Variants in RNF19A observed in about 807,000 individuals in gnomAD.
RNF19A encodes ring finger protein 19A, RBR E3 ubiquitin protein ligase.
RNF19A carries 32 observed loss-of-function variants against 75.7 expected under a neutral mutation model. That is an observed-to-expected ratio of 0.42 (90% CI 0.32 to 0.57). The LOEUF (loss-of-function observed/expected upper bound fraction) is 0.57, where lower values mean the gene tolerates loss of function less well. Ranked by LOEUF, RNF19A falls within the 20% of genes least tolerant of loss-of-function variation. The pLI is 0.10. For missense variants in RNF19A, 782 were observed against 1,036.3 expected, an observed-to-expected ratio of 0.75 and a Z score of 3.37; for synonymous variants, 335 against 345.2, an observed-to-expected ratio of 0.97 and a Z score of 0.33.
chr8:100,313,978 C>A (rs1822338283), upstream of RNF19A, among the ~76,000 whole-genome samples: 1 of 149,790 alleles, frequency 6.7e-6, no homozygotes, highest in African/African-American at 2.5e-5. Context: ...ACCTCCTGGG[C>A]TTAAACAATC....
In RNF19A at chr8:100,330,170, A is replaced by C. The variant is rs765738038; in HGVS notation, c.-243+5938T>G. ...ACTTCTTCCAGAGTTTGCTCCCACA[A>C]TCTCCCCAACCTTCTCTAGCATCTT... On this transcript the variant is annotated intron_variant, in intron 1 of 3. Coordinates refer to the RNF19A transcript ENST00000519527. The surrounding 1 kb of genome is among the most constrained non-coding windows in gnomAD (Gnocchi z 4.1). Among the ~76,000 whole-genome samples, 2 of 152,154 alleles carry C rather than the reference A, an allele frequency of 1.3e-5. No individual in the cohort carries two copies. The highest frequency in any genetic ancestry group is 2.9e-5 in the Non-Finnish European group (2 of 68,026).
intron 1 of RNF19A, among the ~76,000 whole-genome samples, chr8:100,326,106 A>G (rs933421147): frequency 2.0e-5 from 3 of 152,128 alleles, no homozygotes; most frequent in African/African-American, 7.2e-5. Flanking sequence ...TGCCGTTTTC[A>G]GTCTGTCTCC....
intron 2 of RNF19A, among the ~76,000 whole-genome samples, chr8:100,283,815 A>G (rs1820893008): frequency 6.6e-6 from 1 of 152,226 alleles, no homozygotes; most frequent in African/African-American, 2.4e-5. Flanking sequence ...TTATATAATA[A>G]AAGGGTTAAA....
chr8:100,304,390 C>T (rs1038117248), intron 1 of RNF19A, among the ~76,000 whole-genome samples: 6 of 152,204 alleles, frequency 3.9e-5, no homozygotes, highest in African/African-American at 1.4e-4. Context: ...AAAAGAATTA[C>T]AGTCATTGTA....
chr8:100,287,764 C>T lies in RNF19A; in HGVS notation c.411G>A (p.Leu137=). The part of the protein sequence containing the change: ...GDFIECPLCL[L]RHSKDRFPDI... ...CAGGAAATCTGTCTTTAGAATGCCG[C>T]AAAAGGCACAAAGGGCACTCTATGA... Residue 137 remains leucine, a synonymous_variant, in exon 2 of 10, where the codon TTG becomes TTA. Coordinates refer to ENST00000341084, the MANE Select transcript of RNF19A (RefSeq NM_183419.4). The surrounding 1 kb of genome is among the most constrained non-coding windows in gnomAD (Gnocchi z 4.1). 6.2e-7 allele frequency: 1 copy of T among 1,614,084 alleles called. No individual in the cohort carries two copies. Among genetic ancestry groups the T allele is most frequent in the Non-Finnish European group, 8.5e-7 (1 of 1,180,020 alleles).
At chr8:100,279,150 A>T (rs1044612652) in intron 2 of RNF19A, among the ~76,000 whole-genome samples, 10 of 152,298 alleles carry the variant, frequency 6.6e-5, no homozygotes, top group African/African-American at 2.4e-4. Context: ...TACCAAATAT[A>T]ATGTTCCTCC....
At position 100,268,857 on chromosome 8, in the gene RNF19A, G is replaced by A. The variant is rs762112376; in HGVS notation, c.1119C>T (p.Val373=). 2.7e-5 allele frequency: 43 copies of A among 1,603,058 alleles called. No individual in the cohort carries two copies. Among genetic ancestry groups the A allele is most frequent in the African/African-American group, 1.5e-4 (11 of 74,432 alleles). ...WQLGTLVGAP[V]GIALIAGIAI... is the part of the protein sequence containing the mutation. ...CAATGCCAGCTATTAAAGCGATTCCGACAGGAGCACCAACCAGTGTTCCCA... is the reference window on the plus strand; with the variant it reads ...CAATGCCAGCTATTAAAGCGATTCCAACAGGAGCACCAACCAGTGTTCCCA... Residue 373 remains valine (V), a synonymous_variant, in exon 5 of 10, where the codon GTC becomes GTT. Transcript: ENST00000341084.
At chr8:100,304,349 C>A (rs982198151) in intron 1 of RNF19A, among the ~76,000 whole-genome samples, 3 of 152,150 alleles carry the variant, frequency 2.0e-5, no homozygotes, top group African/African-American at 7.2e-5. Context: ...CAACTGCCTA[C>A]CAGGTAACCA....
In RNF19A at chr8:100,330,741, A is replaced by C. The variant is rs1010947282; in HGVS notation, c.-243+5367T>G. On this transcript the variant is annotated intron_variant, in intron 1 of 3. Transcript: ENST00000519527. This position sits in a 1 kb window ranked among gnomAD's most constrained non-coding sequence, Gnocchi z 4.1. Reference sequence around the variant, plus strand: ...ATCTCTTGAAGCCAAAGTAGTCTGAACAATATGTTTGTCCTTTCAGTTTCT... The same window carrying C: ...ATCTCTTGAAGCCAAAGTAGTCTGACCAATATGTTTGTCCTTTCAGTTTCT... 1.3e-5 allele frequency among the ~76,000 whole-genome samples: 2 copies of C among 152,206 alleles called. No homozygotes were observed. The highest frequency in any genetic ancestry group is 2.9e-5 in the Non-Finnish European group (2 of 68,036).
chr8:100,293,901 T>C (rs1821424375), intron 1 of RNF19A, among the ~76,000 whole-genome samples: 1 of 152,182 alleles, frequency 6.6e-6, no homozygotes, highest in African/African-American at 2.4e-5. Flanking sequence ...TCCAGTGAAA[T>C]TTTCATTTTA....
intron 1 of RNF19A, among the ~76,000 whole-genome samples, chr8:100,319,750 C>T (rs1352975986): frequency 6.8e-6 from 1 of 147,808 alleles, no homozygotes; most frequent in African/African-American, 2.5e-5. Context: ...GGCTGGTCTC[C>T]ATCTCCTGAC....
rs765603515 is a variant in RNF19A at position 100,268,954 on chromosome 8, G to GA, written c.1029-8dup. The GA allele has an allele frequency of 2.6e-6, 4 of 1,560,736 alleles. No individual in the cohort carries two copies. The highest frequency in any genetic ancestry group is 3.7e-5 in the Admixed American group (2 of 53,410). On this transcript the variant is annotated splice_region_variant and splice_polypyrimidine_tract_variant and intron_variant, in intron 4 of 9. Transcript: ENST00000341084. ...AAAAGTACATCCTGATGGACTAACG[G>GA]AAAAAATTATAATGTAAATAACTGC...
At chr8:100,315,868 A>T (rs1171160695) in intron 1 of RNF19A, among the ~76,000 whole-genome samples, 1 of 152,140 alleles carries the variant, frequency 6.6e-6, no homozygotes, top group African/African-American at 2.4e-5. Flanking sequence ...CTCATTTTCT[A>T]TGGGGTTGGG....
rs771734211 is a variant in RNF19A at position 100,264,023 on chromosome 8, A to G, written c.1468+11T>C. On this transcript the variant is annotated intron_variant, in intron 7 of 9. Transcript: ENST00000341084. This position sits in a 1 kb window ranked among gnomAD's most constrained non-coding sequence, Gnocchi z 4.7. ...ATAAGCACATTTTCTTCCTTTGCTT[A>G]AAGGACTTACCTACAGCTGTGTTAG... 20 of 1,608,554 alleles carry G rather than the reference A, an allele frequency of 1.2e-5. No homozygotes were observed. In the Admixed American group the frequency reaches 3.0e-4, roughly 24 times the overall value.
intron 1 of RNF19A, among the ~76,000 whole-genome samples, chr8:100,316,267 G>A (rs368378560): frequency 3.6e-4 from 55 of 152,172 alleles, no homozygotes; most frequent in Middle Eastern, 3.4e-3. Context: ...GCTCATAAAA[G>A]CAGCGTGGAC....
At position 100,264,991 on chromosome 8, in the gene RNF19A, G is replaced by A. The variant is rs1819904139; in HGVS notation, c.1192-206C>T. The stretch of plus-strand genomic sequence containing the variant: ...TCCTTATTAATTTGCTTAAGACAGT[G>A]ATTTAATGGATTTTACTTTGTGCTT... On this transcript the variant is annotated intron_variant, in intron 5 of 9. Transcript: ENST00000341084. The surrounding 1 kb of genome is among the most constrained non-coding windows in gnomAD (Gnocchi z 4.7). Among the ~76,000 whole-genome samples the A allele has an allele frequency of 6.6e-6, 1 of 152,146 alleles. No individual in the cohort carries two copies. Among genetic ancestry groups the A allele is most frequent in the African/African-American group, 2.4e-5 (1 of 41,430 alleles).
chr8:100,293,323 G>C (rs992348415), intron 1 of RNF19A, among the ~76,000 whole-genome samples: 2 of 151,872 alleles, frequency 1.3e-5, no homozygotes, highest in Non-Finnish European at 2.9e-5. Context: ...TTTTATCTGG[G>C]GAAAAAAAAT....
At chr8:100,315,137 G>C (rs781342641) in intron 1 of RNF19A, among the ~76,000 whole-genome samples, 1 of 152,048 alleles carries the variant, frequency 6.6e-6, no homozygotes, top group Non-Finnish European at 1.5e-5. Flanking sequence ...GAGTTTTGTC[G>C]TGTGCCCAGG....
At chr8:100,268,107 T>A (rs1820075551) in intron 5 of RNF19A, among the ~76,000 whole-genome samples, 1 of 152,022 alleles carries the variant, frequency 6.6e-6, no homozygotes, top group Non-Finnish European at 1.5e-5. Context: ...AAAATTTCTT[T>A]TTTTTTTCTT....
Sources: allele counts gnomAD v4.1 joint callset (sites outside exome capture counted in the v4.1 genomes callset), GRCh38; gene constraint gnomAD v4.1.1; non-coding constraint Gnocchi (gnomAD v3.1); transcripts MANE v1.5; gene names NCBI Gene and HGNC (gene_info 2026-07-23, HGNC 2026-07-21).